CDH18: variants seen among roughly 807,000 people sequenced by gnomAD.
The protein encoded by CDH18 is cadherin 18.
In CDH18, 31 loss-of-function variants were observed where a neutral mutation model predicts 67.9. That is an observed-to-expected ratio of 0.46 (90% CI 0.34 to 0.62). The LOEUF (loss-of-function observed/expected upper bound fraction) is 0.62. CDH18 is among the 20% of genes least tolerant of loss of function. The pLI, the probability that CDH18 is intolerant of heterozygous loss-of-function variation, is 0.01. For missense variants in CDH18, 890 were observed against 975.5 expected (o/e 0.91, Z 1.17); for synonymous variants, 362 against 347.2 (o/e 1.04, Z -0.48).
intron 3 of CDH18, among the ~76,000 whole-genome samples, chr5:19,834,547 A>G (rs1781413102): frequency 1.3e-5 from 2 of 151,180 alleles, no homozygotes; most frequent in Admixed American, 1.3e-4. Context: ...GATCTTAGTT[A>G]TTTCTTGTCT....
intron 5 of CDH18, among the ~76,000 whole-genome samples, chr5:19,679,234 C>A (rs1759917543): frequency 6.6e-6 from 1 of 151,992 alleles, no homozygotes; most frequent in Non-Finnish European, 1.5e-5. Flanking sequence ...GCAGAAAAGT[C>A]TTTTGATACA....
At chr5:19,678,352 G>A (rs987776436) in intron 5 of CDH18, among the ~76,000 whole-genome samples, 6 of 151,470 alleles carry the variant, frequency 4.0e-5, no homozygotes, top group Non-Finnish European at 7.4e-5. Context: ...CAATTACATG[G>A]AAATTAATCA....
chr5:20,381,660 C>T (rs191784743), intron 1 of CDH18, among the ~76,000 whole-genome samples: 1 of 152,090 alleles, frequency 6.6e-6, no homozygotes, highest in African/African-American at 2.4e-5. Context: ...AATAAAATCT[C>T]AAATAAATAA....
intron 2 of CDH18, among the ~76,000 whole-genome samples, chr5:20,249,425 C>T (rs1743644750): frequency 6.7e-6 from 1 of 150,020 alleles, no homozygotes; most frequent in African/African-American, 2.5e-5. Flanking sequence ...CTCTGTCGCC[C>T]AGGCTGCAGT....
intron 6 of CDH18, among the ~76,000 whole-genome samples, chr5:19,606,885 AT>A (rs1218970480): frequency 6.6e-6 from 1 of 151,824 alleles, no homozygotes; most frequent in Non-Finnish European, 1.5e-5. Flanking sequence ...TGTAGGTTAA[AT>A]TTTTGAAAAC....
At chr5:19,675,089 C>T (rs911351534) in intron 5 of CDH18, among the ~76,000 whole-genome samples, 13 of 152,000 alleles carry the variant, frequency 8.6e-5, no homozygotes, top group South Asian at 2.1e-4. Flanking sequence ...GCCCCTGAGC[C>T]GTAAAACCAG....
At chr5:19,494,203 T>C (rs960482831) in intron 11 of CDH18, among the ~76,000 whole-genome samples, 2 of 152,222 alleles carry the variant, frequency 1.3e-5, no homozygotes, top group African/African-American at 4.8e-5. Flanking sequence ...ATTTCTTTAG[T>C]TATTCCATTA....
intron 4 of CDH18, among the ~76,000 whole-genome samples, chr5:19,744,294 T>C (rs1225242571): frequency 6.6e-6 from 1 of 152,152 alleles, no homozygotes; most frequent in Non-Finnish European, 1.5e-5. Flanking sequence ...CCCTCAACCA[T>C]ACTCATCTCA....
chr5:20,363,223 G>A (rs902674699), intron 1 of CDH18, among the ~76,000 whole-genome samples: 1 of 149,802 alleles, frequency 6.7e-6, no homozygotes, highest in African/African-American at 2.5e-5. Flanking sequence ...AGTGGCTCAC[G>A]CCTGTAATCC....
chr5:20,135,431 G>A lies in CDH18; in HGVS notation c.-518+120013C>T, dbSNP rs148498486. On this transcript the variant is annotated intron_variant, in intron 2 of 14. Transcript: ENST00000507958. The stretch of plus-strand genomic sequence containing the variant: ...AGTTTGTATTTCTGTGGGATCGGTG[G>A]TTATATACCTTTTATCATTTTTTAA... Among the ~76,000 whole-genome samples the A allele has an allele frequency of 4.0e-3, 609 of 152,176 alleles. 3 individuals carry two copies. Among genetic ancestry groups the A allele is most frequent in the Non-Finnish European group, 6.2e-3 (423 of 67,998 alleles).
intron 2 of CDH18, among the ~76,000 whole-genome samples, chr5:20,246,689 C>T (rs1448675282): frequency 6.6e-6 from 1 of 152,116 alleles, no homozygotes; most frequent in Non-Finnish European, 1.5e-5. Context: ...ATATACATCC[C>T]ACATTCATGA....
intron 10 of CDH18, among the ~76,000 whole-genome samples, chr5:19,506,392 G>A (rs1744165326): frequency 6.6e-6 from 1 of 152,090 alleles, no homozygotes; most frequent in Non-Finnish European, 1.5e-5. Flanking sequence ...TTTCTTCACA[G>A]AATTGGAAAA....
chr5:19,741,247 A>G (rs1418480285), intron 4 of CDH18, among the ~76,000 whole-genome samples: 6 of 78,324 alleles, frequency 7.7e-5, no homozygotes, highest in Admixed American at 1.4e-4. Context: ...ACATATATGT[A>G]TGTATATATG....
intron 2 of CDH18, among the ~76,000 whole-genome samples, chr5:19,883,646 T>C (rs985812703): frequency 7.9e-5 from 12 of 152,126 alleles, no homozygotes; most frequent in Non-Finnish European, 1.0e-4. Flanking sequence ...AATGCAAAGA[T>C]TATATTCTGA....
At chr5:19,543,651 G>C (rs183701350) in intron 9 of CDH18, among the ~76,000 whole-genome samples, 1 of 152,074 alleles carries the variant, frequency 6.6e-6, no homozygotes, top group Non-Finnish European at 1.5e-5. Flanking sequence ...GTTCTGTGAT[G>C]CCACTTTTCC....
intron 2 of CDH18, among the ~76,000 whole-genome samples, chr5:20,213,283 A>G (rs1646600903): frequency 6.6e-6 from 1 of 152,148 alleles, no homozygotes; most frequent in African/African-American, 2.4e-5. Flanking sequence ...TGATTAGTTT[A>G]CTGTCTTATA....
chr5:20,469,257 C>A (rs1401684132), intron 1 of CDH18, among the ~76,000 whole-genome samples: 13 of 152,078 alleles, frequency 8.5e-5, no homozygotes, highest in Non-Finnish European at 1.6e-4. Flanking sequence ...ACTACTGCTC[C>A]GGAATGTTTT....
intron 9 of CDH18, among the ~76,000 whole-genome samples, chr5:19,543,222 T>C (rs1188798860): frequency 6.6e-6 from 1 of 152,178 alleles, no homozygotes; most frequent in Non-Finnish European, 1.5e-5. Context: ...TTTAACACAG[T>C]CATATCTACC....
rs192066690 is a variant in CDH18 at position 19,721,338 on chromosome 5, T to C, written c.643+9A>G. ...CGCTTGCATGCGAGTTATGTGTAAA[T>C]GCACTAACCTGTTTTAGGGTCGACG... On this transcript the variant is annotated intron_variant, in intron 5 of 12. Transcript: ENST00000382275. The C allele has an allele frequency of 2.6e-5, 41 of 1,580,224 alleles. No individual in the cohort carries two copies. In the African/African-American group the frequency reaches 4.0e-4, roughly 15 times the overall value.
Sources: gnomAD v4.1 joint callset for allele counts (sites outside exome capture counted in the v4.1 genomes callset) on GRCh38, gnomAD v4.1.1 for gene constraint, MANE v1.5 for transcripts, NCBI Gene and HGNC (gene_info 2026-07-23, HGNC 2026-07-21) for gene names.